CRPPA: variants seen among roughly 807,000 people sequenced by gnomAD.
CRPPA encodes D-ribitol-5-phosphate cytidylyltransferase.
Under a neutral mutation model 52.0 loss-of-function variants are expected in CRPPA, and 43 were observed. The observed-to-expected ratio is 0.83, with a 90% CI of 0.65 to 1.07. The LOEUF (loss-of-function observed/expected upper bound fraction) is 1.07. CRPPA is among the 50% of genes least tolerant of loss of function. The probability of loss-of-function intolerance (pLI) is 0.00; values close to 1 mark genes in which losing one functional copy is unlikely to be tolerated. For missense variants in CRPPA, 629 were observed against 551.7 expected (o/e 1.14, Z -1.40); for synonymous variants, 250 against 203.5 (o/e 1.23, Z -1.94).
In CRPPA at chr7:16,381,264, G is replaced by A. The variant is rs566116511; in HGVS notation, c.535-5023C>T. Among the ~76,000 whole-genome samples, 32 of 152,222 alleles carry A rather than the reference G, an allele frequency of 2.1e-4. No individual in the cohort carries two copies. In the South Asian group the frequency reaches 3.9e-3, roughly 19 times the overall value. ...TCGTTATGTATCCAGTAGTCATTCCGGAGCAGGTTGTTCAGTTTCCATGTA... is the reference window on the plus strand; with the variant it reads ...TCGTTATGTATCCAGTAGTCATTCCAGAGCAGGTTGTTCAGTTTCCATGTA... On this transcript the variant is annotated intron_variant, in intron 2 of 9. Transcript: ENST00000407010.
rs1787951455 is a variant in CRPPA, at chr7:16,406,247, G to A, written c.348C>T (p.Arg116=). Residue 116 remains arginine, a synonymous_variant, in exon 2 of 10, where the codon CGC becomes CGT. Transcript: ENST00000407010. ...KSIIQKYQHK[R]ISLVEAGVTR... ...TCACTCCAGCTTCGACCAGTGAGAT[G>A]CGTTTATGCTGATACTTCTGAATAA... 2 of 1,613,926 alleles carry A rather than the reference G, an allele frequency of 1.2e-6. No homozygotes were observed. The highest frequency in any genetic ancestry group is 8.5e-7 in the Non-Finnish European group (1 of 1,179,848).
intron 8 of CRPPA, among the ~76,000 whole-genome samples, chr7:16,243,718 C>G (rs1783190276): frequency 6.6e-6 from 1 of 152,158 alleles, no homozygotes; most frequent in Admixed American, 6.5e-5. Flanking sequence ...GTAATCCCAA[C>G]ACTTTGGGAG....
chr7:16,365,811 A>G (rs2128310201), intron 3 of CRPPA, among the ~76,000 whole-genome samples: 1 of 152,304 alleles, frequency 6.6e-6, no homozygotes, highest in East Asian at 1.9e-4. Flanking sequence ...CAACACTGAC[A>G]AACAGATTCA....
chr7:16,099,063 A>G (rs1019488172), intron 9 of CRPPA, among the ~76,000 whole-genome samples: 2 of 152,086 alleles, frequency 1.3e-5, no homozygotes, highest in African/African-American at 4.8e-5. Context: ...TAGGAATTCA[A>G]TAACTGTTTT....
At chr7:16,206,825 G>A (rs1781985274) in intron 9 of CRPPA, among the ~76,000 whole-genome samples, 2 of 152,068 alleles carry the variant, frequency 1.3e-5, no homozygotes, top group South Asian at 2.1e-4. Flanking sequence ...AGGAATTACT[G>A]TAGATATGTT....
At chr7:16,272,043 G>A (rs554203556) in intron 6 of CRPPA, among the ~76,000 whole-genome samples, 8 of 152,324 alleles carry the variant, frequency 5.3e-5, no homozygotes, top group African/African-American at 1.7e-4. Flanking sequence ...AAACTGGGAA[G>A]AAGTGAGAGA....
At chr7:16,121,321 G>T (rs1782476026) in intron 9 of CRPPA, among the ~76,000 whole-genome samples, 1 of 152,028 alleles carries the variant, frequency 6.6e-6, no homozygotes, top group Admixed American at 6.6e-5. Flanking sequence ...TTTGGCAGCA[G>T]AAAATTGGCT....
intron 3 of CRPPA, among the ~76,000 whole-genome samples, chr7:16,375,615 A>T (rs1214649836): frequency 6.6e-6 from 1 of 152,184 alleles, no homozygotes; most frequent in Non-Finnish European, 1.5e-5. Context: ...GCATCTGAGA[A>T]TTAACTGACA....
chr7:16,246,541 AGCC>A (rs1192691837), intron 8 of CRPPA, among the ~76,000 whole-genome samples: 1 of 152,222 alleles, frequency 6.6e-6, no homozygotes, highest in Admixed American at 6.5e-5. Flanking sequence ...GGGCAGTGAT[AGCC>A]TTACACAAGG....
chr7:16,139,455 C>T (rs565880285), intron 9 of CRPPA, among the ~76,000 whole-genome samples: 39 of 152,038 alleles, frequency 2.6e-4, no homozygotes, highest in African/African-American at 2.2e-4. Flanking sequence ...TTTGATATTA[C>T]GGGGGGTAAA....
chr7:16,242,361 T>G (rs763664983), intron 8 of CRPPA, among the ~76,000 whole-genome samples: 4 of 152,174 alleles, frequency 2.6e-5, no homozygotes, highest in Non-Finnish European at 5.9e-5. Flanking sequence ...AATGTTTTCA[T>G]CATTACTTAA....
At chr7:16,249,124 C>G (rs1783364478) in intron 8 of CRPPA, among the ~76,000 whole-genome samples, 1 of 152,136 alleles carries the variant, frequency 6.6e-6, no homozygotes, top group Non-Finnish European at 1.5e-5. Flanking sequence ...GAACTGGATG[C>G]AACCCACCAG....
chr7:16,197,809 G>A (rs1168250396), intron 9 of CRPPA, among the ~76,000 whole-genome samples: 1 of 150,492 alleles, frequency 6.6e-6, no homozygotes, highest in African/African-American at 2.5e-5. Flanking sequence ...TATGTACTAA[G>A]AAAAATTCTT....
intron 8 of CRPPA, among the ~76,000 whole-genome samples, chr7:16,217,634 C>T (rs1223417706): frequency 3.4e-5 from 5 of 145,924 alleles, no homozygotes; most frequent in South Asian, 2.3e-4. Context: ...TCGAGAACTA[C>T]GTGAAGAATG....
chr7:16,124,511 T>C (rs185264330), intron 9 of CRPPA, among the ~76,000 whole-genome samples: 51 of 152,286 alleles, frequency 3.3e-4, no homozygotes, highest in African/African-American at 1.2e-3. Flanking sequence ...CTCACTCATA[T>C]GTGGAAGCTA....
In CRPPA at chr7:16,329,603, A is replaced by G. The variant is rs531642744; in HGVS notation, c.685-20976T>C. Among the ~76,000 whole-genome samples the G allele has an allele frequency of 2.5e-4, 38 of 152,366 alleles. No individual in the cohort carries two copies. In the South Asian group the frequency reaches 7.5e-3, roughly 30 times the overall value. On this transcript the variant is annotated intron_variant, in intron 3 of 9. Transcript: ENST00000407010. ...GTTTTAAACTACATATGTGAAAAACAGACTCCTTACAAGTATTGTATCAGA... is the reference window on the plus strand; with the variant it reads ...GTTTTAAACTACATATGTGAAAAACGGACTCCTTACAAGTATTGTATCAGA...
chr7:16,089,390 G>A lies in CRPPA; in HGVS notation c.*2305C>T, dbSNP rs1781775399. ...TGCATGTACATATATACGTATATAT[G>A]TATGTACATAATGTGTATATATGTA... On this transcript the variant is annotated 3_prime_UTR_variant, in exon 10 of 10. Coordinates refer to ENST00000407010, the MANE Select transcript of CRPPA (RefSeq NM_001101426.4). 2 of 369,090 alleles carry A rather than the reference G, an allele frequency of 5.4e-6. No homozygotes were observed. Among genetic ancestry groups the A allele is most frequent in the Middle Eastern group, 8.6e-4 (1 of 1,160 alleles). 22.9% of individuals were successfully genotyped at this position (369,090 alleles called of 1,614,324 possible).
intron 3 of CRPPA, among the ~76,000 whole-genome samples, chr7:16,332,693 A>C (rs185007738): frequency 5.4e-4 from 82 of 152,280 alleles, no homozygotes; most frequent in African/African-American, 1.9e-3. Context: ...CAAAATGTTC[A>C]ATTAAATTAA....
intron 2 of CRPPA, among the ~76,000 whole-genome samples, chr7:16,386,816 T>C (rs979147706): frequency 1.3e-5 from 2 of 151,002 alleles, no homozygotes; most frequent in Non-Finnish European, 3.0e-5. Flanking sequence ...AGATAAGGAG[T>C]TTGAGACCAG....
Sources: gnomAD v4.1 joint callset for allele counts (sites outside exome capture counted in the v4.1 genomes callset) on GRCh38, gnomAD v4.1.1 for gene constraint, MANE v1.5 for transcripts, NCBI Gene and HGNC (gene_info 2026-07-23, HGNC 2026-07-21) for gene names.